Variants in KDM2B observed in about 807,000 individuals in gnomAD.
The protein encoded by KDM2B is lysine demethylase 2B.
Under a neutral mutation model 150.0 loss-of-function variants are expected in KDM2B, and 26 were observed. That is an observed-to-expected ratio of 0.17 (90% CI 0.13 to 0.24). KDM2B has a LOEUF of 0.24. Among genes scored for constraint, KDM2B ranks in the 10% least tolerant of loss-of-function variants. The probability of loss-of-function intolerance (pLI) is 1.00; values close to 1 mark genes in which losing one functional copy is unlikely to be tolerated. For missense variants in KDM2B, 1,265 were observed against 1,816.9 expected (o/e 0.70, Z 5.52); for synonymous variants, 734 against 729.5 (o/e 1.01, Z -0.10).
intron 6 of KDM2B, among the ~76,000 whole-genome samples, chr12:121,539,438 G>T (rs1888428305): frequency 6.6e-6 from 1 of 150,566 alleles, no homozygotes; most frequent in African/African-American, 2.4e-5. Context: ...TAAGAGAATT[G>T]TATTTTTAGT....
At chr12:121,438,021 A>C (rs561521813) in intron 22 of KDM2B, among the ~76,000 whole-genome samples, 2 of 152,272 alleles carry the variant, frequency 1.3e-5, no homozygotes, top group South Asian at 4.1e-4. Flanking sequence ...TGGGAGGCAG[A>C]GGTGGGTGGA....
intron 4 of KDM2B, among the ~76,000 whole-genome samples, chr12:121,558,932 G>A (rs1444272669): frequency 4.6e-5 from 7 of 152,018 alleles, no homozygotes; most frequent in African/African-American, 9.7e-5. Flanking sequence ...TGCCATCGCC[G>A]CCCTCCCCAG....
At chr12:121,516,949 A>G (rs890731159) in intron 9 of KDM2B, 13 of 636,114 alleles carry the variant, frequency 2.0e-5, no homozygotes, top group Non-Finnish European at 2.8e-6. Flanking sequence ...ATTATTTGCA[A>G]TTTCCAAATA....
the KDM2B span, among the ~76,000 whole-genome samples, chr12:121,410,196 T>C: frequency 6.6e-6 from 1 of 151,212 alleles, no homozygotes; most frequent in African/African-American, 2.4e-5. Context: ...AGCACTGGGA[T>C]GCCAGGAAAT....
At chr12:121,451,294 G>T (rs1877230489) in intron 13 of KDM2B, among the ~76,000 whole-genome samples, 1 of 152,024 alleles carries the variant, frequency 6.6e-6, no homozygotes, top group Admixed American at 6.5e-5. Context: ...CTTTTCTCTA[G>T]CTTATTTTAT....
chr12:121,495,005 T>C (rs1412120641), intron 11 of KDM2B, among the ~76,000 whole-genome samples: 2 of 151,552 alleles, frequency 1.3e-5, no homozygotes, highest in Non-Finnish European at 2.9e-5. Context: ...TTTTCTTTTT[T>C]TTTTTTTTTT....
intron 22 of KDM2B, among the ~76,000 whole-genome samples, chr12:121,432,303 G>A (rs1326275460): frequency 6.6e-6 from 1 of 152,176 alleles, no homozygotes; most frequent in African/African-American, 2.4e-5. Context: ...GGAAGTTGTA[G>A]AATGTTATCA....
At position 121,513,417 on chromosome 12, in the gene KDM2B, G is replaced by A. The variant is rs782667942; in HGVS notation, c.1048-15C>T. The A allele has an allele frequency of 7.6e-5, 122 of 1,608,126 alleles. 1 individual carries two copies. In the South Asian group the frequency reaches 9.6e-4, roughly 13 times the overall value. Reference sequence around the variant, plus strand: ...TTGGGCTGCACCTGAAAGCAAAGACGCAGGCAGGCAGAGGTCAGTTTCCAG... The same window carrying A: ...TTGGGCTGCACCTGAAAGCAAAGACACAGGCAGGCAGAGGTCAGTTTCCAG... On this transcript the variant is annotated splice_polypyrimidine_tract_variant and intron_variant, in intron 9 of 22. Transcript: ENST00000377071. This position sits in a 1 kb window ranked among gnomAD's most constrained non-coding sequence, Gnocchi z 5.0.
intron 8 of KDM2B, among the ~76,000 whole-genome samples, chr12:121,531,389 C>T (rs2141471250): frequency 6.6e-6 from 1 of 152,328 alleles, no homozygotes; most frequent in South Asian, 2.1e-4. Flanking sequence ...CTACTACAAC[C>T]ACCACTAGTG....
chr12:121,461,510 G>C (rs1879117661), intron 12 of KDM2B, among the ~76,000 whole-genome samples: 1 of 152,072 alleles, frequency 6.6e-6, no homozygotes, highest in Admixed American at 6.5e-5. Flanking sequence ...GAAGAGGAGG[G>C]GATGATTCAG....
chr12:121,556,308 A>C (rs1889897548), intron 4 of KDM2B, among the ~76,000 whole-genome samples: 1 of 151,474 alleles, frequency 6.6e-6, no homozygotes, highest in African/African-American at 2.4e-5. Context: ...TGTAGCCTCA[A>C]ACTCCTGGGC....
chr12:121,439,269 C>T (rs1253329276), intron 22 of KDM2B, among the ~76,000 whole-genome samples: 6 of 152,116 alleles, frequency 3.9e-5, no homozygotes, highest in South Asian at 4.1e-4. Context: ...TGCACCCCCT[C>T]GGGAAGCTGT....
the KDM2B span, among the ~76,000 whole-genome samples, chr12:121,410,244 A>G: frequency 8.6e-5 from 13 of 151,832 alleles, no homozygotes; most frequent in African/African-American, 3.1e-4. Flanking sequence ...AAAATTTTCA[A>G]ATATGCTGCA....
At chr12:121,480,382 A>G (rs1037970572) in intron 12 of KDM2B, among the ~76,000 whole-genome samples, 36 of 152,134 alleles carry the variant, frequency 2.4e-4, no homozygotes, top group Admixed American at 7.2e-4. Context: ...GGGATATTCT[A>G]TGGGACATGT....
intron 12 of KDM2B, among the ~76,000 whole-genome samples, chr12:121,476,464 G>C (rs1881391395): frequency 6.6e-6 from 1 of 151,270 alleles, no homozygotes. Context: ...CATCCAACAG[G>C]TAGTTTTTTG....
chr12:121,476,347 T>C (rs782547738), intron 12 of KDM2B, among the ~76,000 whole-genome samples: 13 of 151,920 alleles, frequency 8.6e-5, no homozygotes, highest in African/African-American at 2.4e-4. Flanking sequence ...TCCCAGCTAT[T>C]TGGGAGGCTG....
chr12:121,502,995 T>TTGA (rs1275354109), intron 11 of KDM2B, among the ~76,000 whole-genome samples: 2 of 131,934 alleles, frequency 1.5e-5, no homozygotes, highest in African/African-American at 7.6e-5. Flanking sequence ...TTTTTTTTTT[T>TTGA]GAGCAGAGTT....
At chr12:121,525,391 T>G (rs782567329) in intron 8 of KDM2B, among the ~76,000 whole-genome samples, 9 of 152,066 alleles carry the variant, frequency 5.9e-5, no homozygotes, top group Non-Finnish European at 1.3e-4. Flanking sequence ...CTCAGCCTCC[T>G]GAGTAGCTGG....
In KDM2B at chr12:121,520,595, A is replaced by G. The variant is rs1886600270; in HGVS notation, c.1047+390T>C. Among the ~76,000 whole-genome samples the G allele has an allele frequency of 6.6e-6, 1 of 152,102 alleles. No individual in the cohort carries two copies. The highest frequency in any genetic ancestry group is 2.4e-5 in the African/African-American group (1 of 41,428). On this transcript the variant is annotated intron_variant, in intron 9 of 22. Coordinates refer to ENST00000377071, the MANE Select transcript of KDM2B (RefSeq NM_032590.5). The surrounding 1 kb of genome is among the most constrained non-coding windows in gnomAD (Gnocchi z 4.5). ...CCAAGACCTGACCTCAGACCAGGACAGGCCCTTCCAAGGTCCACACCCATC... is the reference window on the plus strand; with the variant it reads ...CCAAGACCTGACCTCAGACCAGGACGGGCCCTTCCAAGGTCCACACCCATC...
Sources: gnomAD v4.1 joint callset for allele counts (sites outside exome capture counted in the v4.1 genomes callset) on GRCh38, gnomAD v4.1.1 for gene constraint, Gnocchi (gnomAD v3.1) non-coding constraint, MANE v1.5 for transcripts, NCBI Gene and HGNC (gene_info 2026-07-23, HGNC 2026-07-21) for gene names.